Variants in TANC1 observed in about 807,000 individuals in gnomAD.
TANC1 encodes the protein protein TANC1.
In TANC1, 77 loss-of-function variants were observed where a neutral mutation model predicts 149.7. The ratio of observed to expected loss-of-function variants is 0.51; its 90% confidence interval spans 0.43 to 0.62. TANC1 has a LOEUF of 0.62. Ranked by LOEUF, TANC1 falls within the 20% of genes least tolerant of loss-of-function variation. The pLI is 0.00. For missense variants in TANC1, 1,985 were observed against 2,321.8 expected (o/e 0.85, Z 2.98); for synonymous variants, 854 against 925.0 (o/e 0.92, Z 1.39).
intron 2 of TANC1, among the ~76,000 whole-genome samples, chr2:159,011,800 C>G (rs987949025): frequency 6.6e-6 from 1 of 152,186 alleles, no homozygotes; most frequent in African/African-American, 2.4e-5. Context: ...ACATCCCACT[C>G]CCGAATTCCA....
intron 4 of TANC1, among the ~76,000 whole-genome samples, chr2:159,098,562 T>C (rs2046364340): frequency 6.6e-6 from 1 of 152,224 alleles, no homozygotes; most frequent in Non-Finnish European, 1.5e-5. Context: ...ACCTAGTATA[T>C]ACTGATGTAT....
At chr2:159,011,601 T>A (rs1375798839) in intron 2 of TANC1, among the ~76,000 whole-genome samples, 2 of 143,756 alleles carry the variant, frequency 1.4e-5, no homozygotes, top group Non-Finnish European at 3.0e-5. Flanking sequence ...AGTAGCAGGA[T>A]CATAGCTCAC....
At chr2:159,152,463 A>ATTTTTTTTTTTTT (rs55894080) in intron 7 of TANC1, among the ~76,000 whole-genome samples, 1 of 118,154 alleles carries the variant, frequency 8.5e-6, no homozygotes, top group Non-Finnish European at 1.8e-5. Flanking sequence ...TTATAACCAA[A>ATTTTTTTTTTTTT]TTTTTTTTTT....
intron 19 of TANC1, among the ~76,000 whole-genome samples, chr2:159,215,560 C>T (rs545179693): frequency 6.6e-6 from 1 of 152,328 alleles, no homozygotes; most frequent in South Asian, 2.1e-4. Flanking sequence ...TCAAAGAAGA[C>T]AGGCAGACCA....
intron 4 of TANC1, among the ~76,000 whole-genome samples, chr2:159,108,085 G>A (rs1014631876): frequency 6.6e-6 from 1 of 152,216 alleles, no homozygotes; most frequent in African/African-American, 2.4e-5. Context: ...TCAGTTCCAT[G>A]TGATTGGTTG....
chr2:159,110,199 G>T (rs1254351338), intron 4 of TANC1, among the ~76,000 whole-genome samples: 2 of 152,230 alleles, frequency 1.3e-5, no homozygotes, highest in African/African-American at 2.4e-5. Context: ...AGAAAATTCT[G>T]CAAGAGAGGT....
intron 2 of TANC1, among the ~76,000 whole-genome samples, chr2:159,023,448 T>C (rs911437092): frequency 6.6e-6 from 1 of 151,868 alleles, no homozygotes; most frequent in Non-Finnish European, 1.5e-5. Context: ...GCTCAAGTGA[T>C]CTTCCCATCA....
intron 8 of TANC1, among the ~76,000 whole-genome samples, chr2:159,167,667 C>T (rs1019116078): frequency 3.9e-5 from 6 of 152,090 alleles, no homozygotes; most frequent in East Asian, 1.9e-4. Context: ...GTTTCTTGCT[C>T]GCTGGGAGGA....
chr2:159,225,598 G>A lies in TANC1; in HGVS notation c.3812-90G>A. 4.1e-6 allele frequency: 4 copies of A among 978,406 alleles called. No individual in the cohort carries two copies. In the South Asian group the frequency reaches 5.3e-5, roughly 13 times the overall value. 60.6% of individuals were successfully genotyped at this position (978,406 alleles called of 1,614,324 possible). A position where few individuals can be genotyped will look rare whatever the true frequency, so the allele number is the denominator to read the frequency against. ...GGTCCTTGCAGCTGGGCTCCTGCTG[G>A]TGCTGACCTCCAGCCGTGGGGCCAC... On this transcript the variant is annotated intron_variant, in intron 23 of 26. Transcript: ENST00000263635.
At chr2:159,097,275 C>T (rs1442024282) in intron 3 of TANC1, among the ~76,000 whole-genome samples, 2 of 152,190 alleles carry the variant, frequency 1.3e-5, no homozygotes, top group African/African-American at 4.8e-5. Context: ...TACTGATACT[C>T]ATGTAAGGCT....
chr2:159,086,637 A>T (rs926466957), intron 3 of TANC1, among the ~76,000 whole-genome samples: 7 of 152,198 alleles, frequency 4.6e-5, no homozygotes, highest in African/African-American at 1.7e-4. Context: ...GATGGATACA[A>T]ATTTGAGTTT....
chr2:159,206,870 T>C (rs1447403452), intron 19 of TANC1, among the ~76,000 whole-genome samples: 1 of 152,132 alleles, frequency 6.6e-6, no homozygotes, highest in Non-Finnish European at 1.5e-5. Flanking sequence ...ACCTTATGCC[T>C]GCTTTAAATA....
chr2:158,984,177 T>A (rs963422528), intron 1 of TANC1, among the ~76,000 whole-genome samples: 11 of 152,360 alleles, frequency 7.2e-5, no homozygotes, highest in Admixed American at 4.6e-4. Flanking sequence ...CAAAGTTTTG[T>A]TTAATCTCTT....
chr2:159,190,188 G>GA (rs2057331162), intron 16 of TANC1, among the ~76,000 whole-genome samples: 1 of 152,180 alleles, frequency 6.6e-6, no homozygotes, highest in African/African-American at 2.4e-5. Flanking sequence ...GGAATTTTCT[G>GA]AAAATCACAC....
At chr2:159,173,351 C>T (rs987618509) in intron 11 of TANC1, among the ~76,000 whole-genome samples, 1 of 152,118 alleles carries the variant, frequency 6.6e-6, no homozygotes, top group Non-Finnish European at 1.5e-5. Flanking sequence ...GCTTGTAATC[C>T]CAGCACTTTG....
chr2:159,062,738 CG>C (rs1559187511), intron 2 of TANC1, among the ~76,000 whole-genome samples: 1 of 151,548 alleles, frequency 6.6e-6, no homozygotes, highest in African/African-American at 2.4e-5. Context: ...GAGGCCGAGG[CG>C]GGTGGATCAT....
intron 3 of TANC1, among the ~76,000 whole-genome samples, chr2:159,090,876 C>G (rs993607111): frequency 2.0e-5 from 3 of 152,204 alleles, no homozygotes; most frequent in African/African-American, 7.2e-5. Context: ...CCTGGATCCA[C>G]TTCGCTTGTA....
At chr2:159,171,985 A>G in intron 10 of TANC1, 136 bp from the exon 11 acceptor site, 1 of 754,912 alleles carries the variant, frequency 1.3e-6, no homozygotes, top group Non-Finnish European at 2.1e-6. Context: ...CTGTGCTCTC[A>G]TGTGGACCTC....
chr2:159,102,804 C>A (rs1171651789), intron 4 of TANC1, among the ~76,000 whole-genome samples: 1 of 87,226 alleles, frequency 1.1e-5, no homozygotes, highest in South Asian at 4.1e-4. Context: ...CTGCAAGCTC[C>A]GCCTCCCAGG....
Sources: gnomAD v4.1 joint callset for allele counts (sites outside exome capture counted in the v4.1 genomes callset) on GRCh38, gnomAD v4.1.1 for gene constraint, MANE v1.5 for transcripts, NCBI Gene and HGNC (gene_info 2026-07-23, HGNC 2026-07-21) for gene names.